Variants in SEPTIN9 observed in about 807,000 individuals in gnomAD.
SEPTIN9 encodes the protein septin 9.
SEPTIN9 carries 13 observed loss-of-function variants against 56.6 expected under a neutral mutation model. That is an observed-to-expected ratio of 0.23 (90% CI 0.15 to 0.37). SEPTIN9 has a LOEUF of 0.37. Ranked by LOEUF, SEPTIN9 falls within the 10% of genes least tolerant of loss-of-function variation. The probability of loss-of-function intolerance (pLI) is 1.00; values close to 1 mark genes in which losing one functional copy is unlikely to be tolerated. For missense variants in SEPTIN9, 650 were observed against 823.1 expected (o/e 0.79, Z 2.57); for synonymous variants, 332 against 334.1 (o/e 0.99, Z 0.07).
chr17:77,373,444 C>CG, intron 2 of SEPTIN9: 3 of 1,482,298 alleles, frequency 2.0e-6, no homozygotes, highest in Admixed American at 2.2e-5. Flanking sequence ...CGGGCCCCGC[C>CG]GGGGGCGCTT....
At chr17:77,311,227 C>A (rs891098265) in intron 2 of SEPTIN9, among the ~76,000 whole-genome samples, 12 of 148,844 alleles carry the variant, frequency 8.1e-5, no homozygotes, top group Non-Finnish European at 1.2e-4. Flanking sequence ...AGGACCCCCC[C>A]CCCACCCCAC....
intron 3 of SEPTIN9, among the ~76,000 whole-genome samples, chr17:77,464,514 C>T (rs118174105): frequency 8.5e-5 from 13 of 152,236 alleles, no homozygotes; most frequent in Non-Finnish European, 1.8e-4. Context: ...ATATTAAACT[C>T]ATCCAAAAAC....
chr17:77,357,480 C>T (rs889623480), intron 2 of SEPTIN9, among the ~76,000 whole-genome samples: 1 of 152,184 alleles, frequency 6.6e-6, no homozygotes, highest in Non-Finnish European at 1.5e-5. Flanking sequence ...ATCACCTCAC[C>T]GTCCATCTAT....
intron 3 of SEPTIN9, among the ~76,000 whole-genome samples, chr17:77,424,876 T>C (rs1300899295): frequency 6.6e-6 from 1 of 152,140 alleles, no homozygotes; most frequent in Non-Finnish European, 1.5e-5. Context: ...GTGTGTGGAC[T>C]CAGTACTCGG....
chr17:77,406,330 CT>C (rs1371416802), intron 3 of SEPTIN9, among the ~76,000 whole-genome samples: 5 of 152,198 alleles, frequency 3.3e-5, no homozygotes, highest in African/African-American at 1.2e-4. Flanking sequence ...ACCTCTGCTT[CT>C]CTTTACATCA....
intron 10 of SEPTIN9, 151 bp from the exon 11 acceptor site, chr17:77,497,164 G>A: frequency 1.3e-6 from 1 of 750,230 alleles, no homozygotes; most frequent in Non-Finnish European, 2.4e-6. Flanking sequence ...ATACTCAGCT[G>A]CAGAGCAGGT....
At chr17:77,308,602 G>C (rs907860675) in intron 2 of SEPTIN9, among the ~76,000 whole-genome samples, 1 of 152,184 alleles carries the variant, frequency 6.6e-6, no homozygotes, top group African/African-American at 2.4e-5. Flanking sequence ...ATTTTAAATG[G>C]ATTTCCACTT....
Position 77,426,286 on chromosome 17 carries a change from A to C in SEPTIN9, c.721+23583A>C, listed in dbSNP as rs11870085. ...ACAGGGTGGCCAGCGAGTCCCCTGC[A>C]CAGCACACCTCCCCCAGGAGTGCTG... On this transcript the variant is annotated intron_variant, in intron 3 of 11. Transcript: ENST00000427177. Among the ~76,000 whole-genome samples, 576 of 152,058 alleles carry C rather than the reference A, an allele frequency of 3.8e-3. 1 individual carries two copies. Among genetic ancestry groups the C allele is most frequent in the African/African-American group, 0.013 (544 of 41,460 alleles).
intron 3 of SEPTIN9, among the ~76,000 whole-genome samples, chr17:77,406,198 C>G (rs1434972776): frequency 6.6e-6 from 1 of 152,228 alleles, no homozygotes; most frequent in East Asian, 1.9e-4. Flanking sequence ...GGCCCCTCCA[C>G]GGTTGATTCA....
intron 2 of SEPTIN9, among the ~76,000 whole-genome samples, chr17:77,343,451 C>T (rs1390446974): frequency 6.6e-6 from 1 of 152,202 alleles, no homozygotes; most frequent in Non-Finnish European, 1.5e-5. Context: ...GCATCTCTTC[C>T]AGTTGGCTGT....
intron 1 of SEPTIN9, among the ~76,000 whole-genome samples, chr17:77,282,818 G>A (rs2031092279): frequency 6.6e-6 from 1 of 152,166 alleles, no homozygotes; most frequent in East Asian, 1.9e-4. Flanking sequence ...TTGGCACCGG[G>A]GCTTCCTCCC....
At position 77,492,983 on chromosome 17, in the gene SEPTIN9, A is replaced by G. The variant is rs1598472570; in HGVS notation, c.1480A>G (p.Met494Val). Residue 494 changes from methionine (M) to valine (V), a missense_variant, in exon 10 of 12, where the codon ATG (methionine) becomes GTG (valine). Coordinates refer to ENST00000427177, the MANE Select transcript of SEPTIN9 (RefSeq NM_001113491.2). The surrounding 1 kb of genome is among the most constrained non-coding windows in gnomAD (Gnocchi z 5.4). ...ATACCGTCTGCCCGTTCCCCAGGAG[A>G]TGATCCCATTTGCTGTGGTGGGCAG... ...DRLVNEKFRE[M>V]IPFAVVGSDH... The G allele has an allele frequency of 6.4e-7, 1 of 1,564,650 alleles. No homozygotes were observed. Among genetic ancestry groups the G allele is most frequent in the Non-Finnish European group, 8.7e-7 (1 of 1,154,828 alleles).
chr17:77,341,809 G>A (rs1242135466), intron 2 of SEPTIN9, among the ~76,000 whole-genome samples: 5 of 149,912 alleles, frequency 3.3e-5, no homozygotes, highest in South Asian at 2.1e-4. Flanking sequence ...AGGGCCGGGC[G>A]CAGTGGCTCA....
chr17:77,471,726 A>C (rs1318087286), intron 3 of SEPTIN9, among the ~76,000 whole-genome samples: 2 of 152,212 alleles, frequency 1.3e-5, no homozygotes, highest in African/African-American at 4.8e-5. Flanking sequence ...TCTCTTTGTA[A>C]GTTTGCAGAT....
chr17:77,327,756 G>A lies in SEPTIN9; in HGVS notation c.76+20559G>A, dbSNP rs935480298. 6.6e-6 allele frequency among the ~76,000 whole-genome samples: 1 copy of A among 152,104 alleles called. No homozygotes were observed. Among genetic ancestry groups the A allele is most frequent in the African/African-American group, 2.4e-5 (1 of 41,424 alleles). ...CCTCCTCTTTTTTTTTCTAAATGGG[G>A]AAACTCTGACTTGAACACTGAATAA... On this transcript the variant is annotated intron_variant, in intron 2 of 11. Coordinates refer to ENST00000427177, the MANE Select transcript of SEPTIN9 (RefSeq NM_001113491.2). The surrounding 1 kb of genome is among the most constrained non-coding windows in gnomAD (Gnocchi z 5.0).
At chr17:77,446,227 A>T (rs1408664284) in intron 3 of SEPTIN9, 2 of 167,156 alleles carry the variant, frequency 1.2e-5, no homozygotes, top group Non-Finnish European at 2.9e-5. Context: ...GTGTTGGCAG[A>T]ATCCATTCCT....
At chr17:77,427,925 G>A (rs1478273143) in intron 3 of SEPTIN9, among the ~76,000 whole-genome samples, 2 of 152,188 alleles carry the variant, frequency 1.3e-5, no homozygotes, top group Admixed American at 6.5e-5. Context: ...TGATCCACTC[G>A]GGTCTGTTTA....
rs1007039945 is a variant in SEPTIN9, at chr17:77,434,134, C to T, written c.721+31431C>T. Among the ~76,000 whole-genome samples the T allele has an allele frequency of 6.6e-5, 10 of 152,166 alleles. No individual in the cohort carries two copies. The highest frequency in any genetic ancestry group is 1.5e-4 in the Non-Finnish European group (10 of 68,000). ...TCTGTGTTGGGGTCTCCAGGAGGCC[C>T]TTGGTGGGAGAGGCAGGGCCCCTTC... On this transcript the variant is annotated intron_variant, in intron 3 of 11. Transcript: ENST00000427177. This position sits in a 1 kb window ranked among gnomAD's most constrained non-coding sequence, Gnocchi z 5.0.
At chr17:77,489,219 CCTT>C (rs1389748883) in intron 7 of SEPTIN9, among the ~76,000 whole-genome samples, 1 of 152,184 alleles carries the variant, frequency 6.6e-6, no homozygotes, top group Non-Finnish European at 1.5e-5. Context: ...CGGTGACTGA[CCTT>C]CTCATCCGGG....
Sources: gnomAD v4.1 joint callset for allele counts (sites outside exome capture counted in the v4.1 genomes callset) on GRCh38, gnomAD v4.1.1 for gene constraint, Gnocchi (gnomAD v3.1) non-coding constraint, MANE v1.5 for transcripts, NCBI Gene and HGNC (gene_info 2026-07-23, HGNC 2026-07-21) for gene names.